Variants in EBF1 observed in about 807,000 individuals in gnomAD.
The protein encoded by EBF1 is EBF transcription factor 1, also known as transcription factor COE1.
In EBF1, 10 loss-of-function variants were observed where a neutral mutation model predicts 68.4. The observed-to-expected ratio is 0.15, with a 90% confidence interval of 0.09 to 0.25. EBF1 has a LOEUF of 0.25. EBF1 is among the 10% of genes least tolerant of loss of function. The pLI, the probability that EBF1 is intolerant of heterozygous loss-of-function variation, is 1.00. For missense variants in EBF1, 509 were observed against 794.4 expected, an observed-to-expected ratio of 0.64 and a Z score of 4.32; for synonymous variants, 298 against 299.8, an observed-to-expected ratio of 0.99 and a Z score of 0.06.
chr5:159,063,260 T>C (rs1268477663), intron 6 of EBF1, among the ~76,000 whole-genome samples: 1 of 152,152 alleles, frequency 6.6e-6, no homozygotes, highest in Non-Finnish European at 1.5e-5. Flanking sequence ...AAATTAGAAT[T>C]CCATAGTTGG....
At chr5:159,084,614 C>T in intron 5 of EBF1, 52 bp downstream of exon 5, 1 of 1,397,020 alleles carries the variant, frequency 7.2e-7, no homozygotes. Context: ...ATTTGAAATG[C>T]AAATTCATCT....
chr5:158,737,445 A>G (rs1304758216), intron 10 of EBF1, among the ~76,000 whole-genome samples: 2 of 151,198 alleles, frequency 1.3e-5, no homozygotes, highest in African/African-American at 4.9e-5. Flanking sequence ...CACCACGCCC[A>G]GCTAATTTTT....
chr5:158,771,636 G>T (rs1773904415), intron 10 of EBF1, among the ~76,000 whole-genome samples: 1 of 152,082 alleles, frequency 6.6e-6, no homozygotes, highest in African/African-American at 2.4e-5. Flanking sequence ...TTTATGATTT[G>T]TCTACCTATG....
chr5:159,023,012 C>T (rs927651498), intron 6 of EBF1, among the ~76,000 whole-genome samples: 1 of 152,080 alleles, frequency 6.6e-6, no homozygotes, highest in African/African-American at 2.4e-5. Flanking sequence ...TGAATTGAGA[C>T]CTTGCCTTCC....
chr5:158,836,324 G>A (rs1468514907), intron 7 of EBF1, among the ~76,000 whole-genome samples: 1 of 152,260 alleles, frequency 6.6e-6, no homozygotes, highest in East Asian at 1.9e-4. Flanking sequence ...CCTATAAAAT[G>A]GGGAAAGATC....
At chr5:158,759,548 G>T in intron 10 of EBF1, among the ~76,000 whole-genome samples, 1 of 152,150 alleles carries the variant, frequency 6.6e-6, no homozygotes, top group East Asian at 1.9e-4. Context: ...CATAGCGTGA[G>T]CGCTGGGGAA....
intron 1 of EBF1, among the ~76,000 whole-genome samples, chr5:159,098,797 G>C (rs1783109784): frequency 6.8e-6 from 1 of 146,142 alleles, no homozygotes; most frequent in Non-Finnish European, 1.5e-5. Context: ...GAAAATAAAG[G>C]GGGGAGAAAG....
At chr5:158,834,302 C>T (rs753691865) in intron 7 of EBF1, among the ~76,000 whole-genome samples, 10 of 152,214 alleles carry the variant, frequency 6.6e-5, no homozygotes, top group East Asian at 5.8e-4. Context: ...AGTGTCAAGA[C>T]GAAGAAATAG....
intron 6 of EBF1, among the ~76,000 whole-genome samples, chr5:159,054,312 G>A (rs892079425): frequency 6.6e-6 from 1 of 152,104 alleles, no homozygotes; most frequent in African/African-American, 2.4e-5. Flanking sequence ...GGAATTCTCA[G>A]AAAAATCATT....
At chr5:159,066,864 A>T (rs1776898991) in intron 6 of EBF1, among the ~76,000 whole-genome samples, 2 of 152,190 alleles carry the variant, frequency 1.3e-5, no homozygotes, top group Non-Finnish European at 2.9e-5. Flanking sequence ...TGATTGCAAT[A>T]GGAGTATTGA....
rs374198592 is a variant in EBF1 at position 159,069,605 on chromosome 5, C to T, written c.554+3791G>A. On this transcript the variant is annotated intron_variant, in intron 6 of 15. Transcript: ENST00000313708. ...TCTGCATACTTAATATATTCAGTTC[C>T]GACATTTATTAAAAAGTTTCCATAT... is the stretch of plus-strand genomic sequence containing the variant. Among the ~76,000 whole-genome samples, 4 of 152,146 alleles carry T rather than the reference C, an allele frequency of 2.6e-5. No individual in the cohort carries two copies. The East Asian group carries it at 5.8e-4, about 22-fold the overall frequency.
chr5:158,906,815 G>A lies in EBF1; in HGVS notation c.555-66705C>T, dbSNP rs567502897. On this transcript the variant is annotated intron_variant, in intron 6 of 15. Coordinates refer to ENST00000313708, the MANE Select transcript of EBF1 (RefSeq NM_024007.5). Reference sequence around the variant, plus strand: ...ATTCTATCTTGAAATGTTTACTAGCGCACTGTGAAAAATTCAAAGAAATGG... The same window carrying A: ...ATTCTATCTTGAAATGTTTACTAGCACACTGTGAAAAATTCAAAGAAATGG... Among the ~76,000 whole-genome samples the A allele has an allele frequency of 5.2e-4, 79 of 152,216 alleles. 2 individuals are homozygous for A. The highest frequency in any genetic ancestry group is 9.2e-4 in the African/African-American group (38 of 41,524).
rs1755940604 is a variant in EBF1 at position 158,697,413 on chromosome 5, T to TA, written c.*1697dup. ...TAAAAATAACTATAAATGAAATGTT[T>TA]AAAAATCACATTGAAACAGCTAATA... On this transcript the variant is annotated 3_prime_UTR_variant, in exon 16 of 16. Transcript: ENST00000313708. 1 of 206,628 alleles carries TA rather than the reference T, an allele frequency of 4.8e-6. No individual in the cohort carries two copies. Among genetic ancestry groups the TA allele is most frequent in the Non-Finnish European group, 9.9e-6 (1 of 101,288 alleles). The allele number at this position is 206,628 out of a possible 1,614,324, so 12.8% of individuals were successfully genotyped here.
chr5:158,803,561 T>C (rs1026654596), intron 8 of EBF1, among the ~76,000 whole-genome samples: 1 of 152,010 alleles, frequency 6.6e-6, no homozygotes, highest in African/African-American at 2.4e-5. Context: ...ATTCTCCAAC[T>C]GGATGCTTTA....
At chr5:158,852,227 G>A (rs1186349089) in intron 6 of EBF1, among the ~76,000 whole-genome samples, 1 of 151,738 alleles carries the variant, frequency 6.6e-6, no homozygotes, top group African/African-American at 2.4e-5. Flanking sequence ...TCCCCAAGGT[G>A]TGGGGGGTGG....
rs768652870 is a variant in EBF1 at position 159,099,318 on chromosome 5, C to T, written c.134+27G>A. 4.0e-6 allele frequency: 6 copies of T among 1,509,462 alleles called. No individual in the cohort carries two copies. The South Asian group carries it at 6.5e-5, about 16-fold the overall frequency. 93.5% of individuals were successfully genotyped at this position (1,509,462 alleles called of 1,614,324 possible). The stretch of plus-strand genomic sequence containing the variant: ...CGGCTCTCCCGCTCGCGGCTCACCT[C>T]GGCCGCGGTCCCCGCGCAGTACCCA... On this transcript the variant is annotated intron_variant, in intron 1 of 15. Transcript: ENST00000313708.
At chr5:159,097,391 T>C (rs546461664) in intron 1 of EBF1, 1 of 512,650 alleles carries the variant, frequency 2.0e-6, no homozygotes, top group Non-Finnish European at 3.5e-6. Flanking sequence ...TGTTTGGGTT[T>C]TGCGCGCGAG....
At chr5:159,077,745 CTTTTT>C (rs58717165) in intron 5 of EBF1, among the ~76,000 whole-genome samples, 6 of 80,618 alleles carry the variant, frequency 7.4e-5, no homozygotes, top group Non-Finnish European at 1.5e-4. Context: ...CAGTGGTTTG[CTTTTT>C]TTTTTTTTTT....
chr5:159,043,513 C>CACCAA (rs1462195311), intron 6 of EBF1, among the ~76,000 whole-genome samples: 67 of 152,280 alleles, frequency 4.4e-4, no homozygotes, highest in South Asian at 3.5e-3. Context: ...TAGGTGTCCA[C>CACCAA]TGAATGAATA....
Sources: allele counts gnomAD v4.1 joint callset (sites outside exome capture counted in the v4.1 genomes callset), GRCh38; gene constraint gnomAD v4.1.1; transcripts MANE v1.5; gene names NCBI Gene and HGNC (gene_info 2026-07-23, HGNC 2026-07-21).